Variants in PRKN observed in about 807,000 individuals in gnomAD.
PRKN encodes parkin RBR E3 ubiquitin protein ligase, also known as E3 ubiquitin-protein ligase parkin.
In PRKN, 56 loss-of-function variants were observed where a neutral mutation model predicts 59.5. That is an observed-to-expected ratio of 0.94 (90% CI 0.76 to 1.18). The LOEUF (loss-of-function observed/expected upper bound fraction) is 1.18. PRKN is among the 50% of genes most tolerant of loss of function. The probability of loss-of-function intolerance (pLI) is 0.00; values close to 1 mark genes in which losing one functional copy is unlikely to be tolerated. For missense variants in PRKN, 657 were observed against 596.4 expected, an observed-to-expected ratio of 1.10 and a Z score of -1.06; for synonymous variants, 250 against 222.1, an observed-to-expected ratio of 1.13 and a Z score of -1.12.
chr6:162,644,157 C>T (rs189358993), intron 1 of PRKN, among the ~76,000 whole-genome samples: 3 of 152,204 alleles, frequency 2.0e-5, no homozygotes, highest in East Asian at 1.9e-4. Flanking sequence ...TCATAAAAGG[C>T]TCCTCGGCTT....
At chr6:162,187,225 G>T (rs1469947611) in intron 4 of PRKN, among the ~76,000 whole-genome samples, 1 of 152,168 alleles carries the variant, frequency 6.6e-6, no homozygotes, top group Non-Finnish European at 1.5e-5. Context: ...AGCTGAGAAA[G>T]AAGTGATCAC....
chr6:161,515,569 T>C (rs1338597597), intron 9 of PRKN, among the ~76,000 whole-genome samples: 1 of 152,228 alleles, frequency 6.6e-6, no homozygotes, highest in Non-Finnish European at 1.5e-5. Context: ...ACTTCACATG[T>C]GTTTCATTTG....
intron 4 of PRKN, among the ~76,000 whole-genome samples, chr6:162,168,905 A>T (rs966750975): frequency 2.0e-5 from 3 of 152,218 alleles, no homozygotes; most frequent in African/African-American, 7.2e-5. Context: ...TGCTATATAA[A>T]AATGAACAAA....
chr6:161,726,459 G>A (rs1787445250), intron 7 of PRKN, among the ~76,000 whole-genome samples: 1 of 152,166 alleles, frequency 6.6e-6, no homozygotes, highest in African/African-American at 2.4e-5. Context: ...AGTAAGTGTG[G>A]GTTTCCCTTT....
chr6:161,354,412 C>T lies in PRKN; in HGVS notation c.1286-4201G>A, dbSNP rs1202890900. On this transcript the variant is annotated intron_variant, in intron 11 of 11. Transcript: ENST00000366898. The surrounding 1 kb of genome is among the most constrained non-coding windows in gnomAD (Gnocchi z 6.7). ...CGCCGGGCAGTCGACATCGTGGCTC[C>T]GGCCAGCAATTCTTCCACTAGATTT... Among the ~76,000 whole-genome samples the T allele has an allele frequency of 6.6e-6, 1 of 152,154 alleles. No homozygotes were observed. The highest frequency in any genetic ancestry group is 1.5e-5 in the Non-Finnish European group (1 of 68,046).
At chr6:161,900,509 A>T (rs960174695) in intron 6 of PRKN, among the ~76,000 whole-genome samples, 131 of 138,674 alleles carry the variant, frequency 9.4e-4, no homozygotes, top group Non-Finnish European at 1.4e-3. Flanking sequence ...TATAATATAT[A>T]TTATATATAC....
chr6:162,617,225 T>C (rs191015307), intron 1 of PRKN, among the ~76,000 whole-genome samples: 1 of 152,250 alleles, frequency 6.6e-6, no homozygotes, highest in Admixed American at 6.5e-5. Context: ...AAATATATAA[T>C]ACATTATGAT....
intron 4 of PRKN, among the ~76,000 whole-genome samples, chr6:162,057,753 A>G (rs1181707941): frequency 6.6e-6 from 1 of 152,228 alleles, no homozygotes; most frequent in East Asian, 1.9e-4. Context: ...TTTAGGTTTT[A>G]TATTTTCTAA....
chr6:161,524,312 T>C (rs1448237494), intron 9 of PRKN, among the ~76,000 whole-genome samples: 1 of 152,202 alleles, frequency 6.6e-6, no homozygotes, highest in Non-Finnish European at 1.5e-5. Context: ...AATTGTTTTG[T>C]GTATCTATAG....
intron 2 of PRKN, among the ~76,000 whole-genome samples, chr6:162,292,228 T>G (rs1781465694): frequency 6.6e-6 from 1 of 152,122 alleles, no homozygotes; most frequent in South Asian, 2.1e-4. Flanking sequence ...CCTCCCAAAG[T>G]GCTGGGATTA....
intron 2 of PRKN, among the ~76,000 whole-genome samples, chr6:162,421,685 A>G (rs1335600052): frequency 6.6e-6 from 1 of 152,174 alleles, no homozygotes; most frequent in Non-Finnish European, 1.5e-5. Flanking sequence ...CAGGAGAAGA[A>G]CAACGCATTA....
In PRKN at chr6:162,630,980, G is replaced by C. The variant is rs143418151; in HGVS notation, c.7+96682C>G. On this transcript the variant is annotated intron_variant, in intron 1 of 11. Transcript: ENST00000366898. ...AAAGGAATTTTGATCAAATTGACTA[G>C]TATAACTCAGGAAATTACAGTTATT... 9.6e-4 allele frequency among the ~76,000 whole-genome samples: 146 copies of C among 152,244 alleles called. 1 individual carries two copies. The highest frequency in any genetic ancestry group is 3.4e-3 in the Middle Eastern group (1 of 294).
intron 9 of PRKN, among the ~76,000 whole-genome samples, chr6:161,452,580 A>AATT (rs1488213559): frequency 2.0e-5 from 3 of 152,218 alleles, no homozygotes; most frequent in African/African-American, 7.2e-5. Context: ...TTCTCTACTT[A>AATT]ATTCTAAATC....
chr6:162,460,299 G>A (rs1433935360), intron 1 of PRKN, among the ~76,000 whole-genome samples: 2 of 152,208 alleles, frequency 1.3e-5, no homozygotes, highest in African/African-American at 4.8e-5. Context: ...GATATTGAAT[G>A]TCTAGAGTTG....
intron 1 of PRKN, among the ~76,000 whole-genome samples, chr6:162,492,059 TTCTGAACTCGGCC>T (rs1275793714): frequency 2.0e-5 from 3 of 152,194 alleles, no homozygotes; most frequent in African/African-American, 7.2e-5. Context: ...ATGGTCCTGC[TTCTGAACTCGGCC>T]TCATGCCCTC....
chr6:161,500,876 CT>C (rs34247928), intron 9 of PRKN, among the ~76,000 whole-genome samples: 3,582 of 115,342 alleles, frequency 0.031, 43 homozygotes, highest in Admixed American at 0.043. Context: ...TTTTTTTTTT[CT>C]TTTTTTTTTT....
Position 161,350,214 on chromosome 6 carries a change from G to C in PRKN, c.1286-3C>G, listed in dbSNP as rs765860776. 3.1e-6 allele frequency: 5 copies of C among 1,608,138 alleles called. No individual in the cohort carries two copies. The highest frequency in any genetic ancestry group is 1.7e-5 in the Admixed American group (1 of 59,836). On this transcript the variant is annotated splice_region_variant and splice_polypyrimidine_tract_variant and intron_variant, in intron 11 of 11. Coordinates refer to ENST00000366898, the MANE Select transcript of PRKN (RefSeq NM_004562.3). Reference sequence around the variant, plus strand: ...ACACTTCATGTGCATGCAGCCTCCTGTTGGGGGCAGAAAACAAAGGTGTGG... The same window carrying C: ...ACACTTCATGTGCATGCAGCCTCCTCTTGGGGGCAGAAAACAAAGGTGTGG...
rs1010694838 is a variant in PRKN, at chr6:161,371,072, G to A, written c.1168-10867C>T. On this transcript the variant is annotated intron_variant, in intron 10 of 11. Coordinates refer to ENST00000366898, the MANE Select transcript of PRKN (RefSeq NM_004562.3). The surrounding 1 kb of genome is among the most constrained non-coding windows in gnomAD (Gnocchi z 5.5). Reference sequence around the variant, plus strand: ...CTAGTCAACGTTACTGCTTGGCAACGGGTGTCACCAAAACATGTTTTGTTG... The same window carrying A: ...CTAGTCAACGTTACTGCTTGGCAACAGGTGTCACCAAAACATGTTTTGTTG... Among the ~76,000 whole-genome samples, 5 of 152,128 alleles carry A rather than the reference G, an allele frequency of 3.3e-5. No homozygotes were observed. The highest frequency in any genetic ancestry group is 4.8e-5 in the African/African-American group (2 of 41,416).
At chr6:161,668,395 A>C (rs989520333) in intron 7 of PRKN, among the ~76,000 whole-genome samples, 6 of 152,212 alleles carry the variant, frequency 3.9e-5, no homozygotes, top group Non-Finnish European at 7.3e-5. Context: ...TACAATGCAA[A>C]ATTTCCTGCT....
Sources: gnomAD v4.1 joint callset for allele counts (sites outside exome capture counted in the v4.1 genomes callset) on GRCh38, gnomAD v4.1.1 for gene constraint, Gnocchi (gnomAD v3.1) non-coding constraint, MANE v1.5 for transcripts, NCBI Gene and HGNC (gene_info 2026-07-23, HGNC 2026-07-21) for gene names.